The following CIMIP7 variants were observed in gnomAD, a reference collection of about 807,000 sequenced individuals.
CIMIP7 encodes ciliary microtubule inner protein 7.
the CIMIP7 span, among the ~76,000 whole-genome samples, chr3:49,181,608 T>C: frequency 6.6e-6 from 1 of 152,298 alleles, no homozygotes; most frequent in Non-Finnish European, 1.5e-5. Context: ...CAATGAGCCA[T>C]GATCGTGCCA....
chr3:49,191,741 T>G, the CIMIP7 span: 1 of 1,588,152 alleles, frequency 6.3e-7, no homozygotes, highest in Non-Finnish European at 8.5e-7. Context: ...AAGTGCACTC[T>G]TACCCAGGAG....
At chr3:49,187,062 C>T in the CIMIP7 span, among the ~76,000 whole-genome samples, 1 of 152,170 alleles carries the variant, frequency 6.6e-6, no homozygotes, top group South Asian at 2.1e-4. Flanking sequence ...CATGTCTTTC[C>T]TGTCGGAGGC....
At chr3:49,191,297 G>A in the CIMIP7 span, among the ~76,000 whole-genome samples, 1 of 152,170 alleles carries the variant, frequency 6.6e-6, no homozygotes, top group African/African-American at 2.4e-5. Flanking sequence ...ATCCTTCTCT[G>A]TCAGGAACCC....
the CIMIP7 span, chr3:49,177,912 A>G: frequency 1.2e-6 from 2 of 1,613,846 alleles, no homozygotes; most frequent in Non-Finnish European, 1.7e-6. Flanking sequence ...CTGGCCTGAA[A>G]TCAGCCTGGT....
chr3:49,182,864 A>G, the CIMIP7 span, among the ~76,000 whole-genome samples: 1 of 152,196 alleles, frequency 6.6e-6, no homozygotes, highest in Non-Finnish European at 1.5e-5. Flanking sequence ...CTGCTGGCCC[A>G]GGTGCTAAGC....
chr3:49,182,017 G>A, the CIMIP7 span, among the ~76,000 whole-genome samples: 1 of 152,012 alleles, frequency 6.6e-6, no homozygotes, highest in African/African-American at 2.4e-5. Context: ...CTCTTCAGGC[G>A]GCGCGTCTGG....
chr3:49,189,695 A>G, the CIMIP7 span, among the ~76,000 whole-genome samples: 9 of 152,316 alleles, frequency 5.9e-5, no homozygotes, highest in Middle Eastern at 3.4e-3. Context: ...TCTTAGCATT[A>G]AGGAATCTGA....
chr3:49,178,018 C>T, the CIMIP7 span: 52 of 1,608,572 alleles, frequency 3.2e-5, no homozygotes, highest in East Asian at 2.5e-4. Flanking sequence ...CAGGTCCTTC[C>T]GCCTTCCGAT....
At chr3:49,181,687 A>G in the CIMIP7 span, among the ~76,000 whole-genome samples, 5 of 152,362 alleles carry the variant, frequency 3.3e-5, no homozygotes, top group East Asian at 5.8e-4. Flanking sequence ...ACTAGAATAT[A>G]TAAGGAAGTC....
chr3:49,182,226 G>A, the CIMIP7 span, among the ~76,000 whole-genome samples: 3 of 152,186 alleles, frequency 2.0e-5, no homozygotes, highest in Non-Finnish European at 1.5e-5. Context: ...CTGCTGGCTG[G>A]GGCAGCCTGC....
chr3:49,184,908 C>T, the CIMIP7 span, among the ~76,000 whole-genome samples: 11 of 151,870 alleles, frequency 7.2e-5, no homozygotes, highest in Non-Finnish European at 1.6e-4. Context: ...GGATTACAGG[C>T]GTGAGCCACT....
At chr3:49,189,869 T>C in the CIMIP7 span, 1 of 758,892 alleles carries the variant, frequency 1.3e-6, no homozygotes, top group Admixed American at 1.7e-5. Flanking sequence ...ACCCTGTCTG[T>C]AGGGGAAAGA....
the CIMIP7 span, among the ~76,000 whole-genome samples, chr3:49,183,207 G>A: frequency 6.6e-6 from 1 of 152,284 alleles, no homozygotes. Context: ...AAACATCAGG[G>A]AAATGCAAAT....
chr3:49,183,310 C>A, the CIMIP7 span, among the ~76,000 whole-genome samples: 3 of 152,220 alleles, frequency 2.0e-5, no homozygotes, highest in Non-Finnish European at 4.4e-5. Context: ...TGCAGAGAAA[C>A]CAGATCATTC....
At chr3:49,177,730 G>T in the CIMIP7 span, 1 of 1,609,642 alleles carries the variant, frequency 6.2e-7, no homozygotes, top group South Asian at 1.1e-5. Flanking sequence ...TGGGATCCCT[G>T]GGAGGTCAGG....
At chr3:49,190,084 T>C in the CIMIP7 span, 1 of 1,611,678 alleles carries the variant, frequency 6.2e-7, no homozygotes, top group Non-Finnish European at 8.5e-7. Flanking sequence ...TGGTATTCTC[T>C]AGCACTTTCA....
the CIMIP7 span, among the ~76,000 whole-genome samples, chr3:49,189,269 T>A: frequency 1.3e-5 from 2 of 151,398 alleles, no homozygotes; most frequent in Admixed American, 6.6e-5. Context: ...GCACCTTGCC[T>A]ATTTTTTTTT....
At chr3:49,184,626 AT>A in the CIMIP7 span, among the ~76,000 whole-genome samples, 15,580 of 133,586 alleles carry the variant, frequency 0.12, 740 homozygotes, top group Non-Finnish European at 0.14. Flanking sequence ...GGCCTATGTA[AT>A]TTTTTTTTTT....
chr3:49,188,048 G>A, the CIMIP7 span, among the ~76,000 whole-genome samples: 1 of 152,214 alleles, frequency 6.6e-6, no homozygotes, highest in Non-Finnish European at 1.5e-5. Context: ...TGAGGGCAAT[G>A]ACAAACATAC....
Sources: allele counts gnomAD v4.1 joint callset (sites outside exome capture counted in the v4.1 genomes callset), GRCh38; gene constraint gnomAD v4.1.1; transcripts MANE v1.5; gene names NCBI Gene and HGNC (gene_info 2026-07-23, HGNC 2026-07-21).